The following ZNF615 variants were observed in gnomAD, a reference collection of about 807,000 sequenced individuals.
The protein encoded by ZNF615 is zinc finger protein 615.
Under a neutral mutation model 15.3 loss-of-function variants are expected in ZNF615, and 15 were observed. That is an observed-to-expected ratio of 0.98 (90% CI 0.66 to 1.51). The LOEUF (loss-of-function observed/expected upper bound fraction) is 1.51. ZNF615 is among the 40% of genes most tolerant of loss of function. ZNF615 has a pLI of 0.00. For synonymous variants in ZNF615, 268 were observed against 294.6 expected, an observed-to-expected ratio of 0.91 and a Z score of 0.92; for missense variants, 848 against 895.9, an observed-to-expected ratio of 0.95 and a Z score of 0.68.
In ZNF615 at chr19:51,992,870, C is replaced by T. The variant is rs190299776; in HGVS notation, c.*10G>A. 2.4e-5 allele frequency: 39 copies of T among 1,611,776 alleles called. No homozygotes were observed. In the African/African-American group the frequency reaches 4.1e-4, roughly 17 times the overall value. Reference sequence around the variant, plus strand: ...GGGCCTACATCTGGCAAGAGGCTTTCCCAAAATGACTACCTGTGAATTCTC... The same window carrying T: ...GGGCCTACATCTGGCAAGAGGCTTTTCCAAAATGACTACCTGTGAATTCTC... On this transcript the variant is annotated 3_prime_UTR_variant, in exon 7 of 7. Coordinates refer to ENST00000598071, the MANE Select transcript of ZNF615 (RefSeq NM_001199324.2).
Position 52,001,911 on chromosome 19 carries a change from GT to G in ZNF615, c.143-4del. The G allele has an allele frequency of 1.2e-6, 2 of 1,613,960 alleles. No individual in the cohort carries two copies. The highest frequency in any genetic ancestry group is 1.7e-6 in the Non-Finnish European group (2 of 1,179,836). On this transcript the variant is annotated splice_region_variant and splice_polypyrimidine_tract_variant and intron_variant, in intron 4 of 6. Coordinates refer to ENST00000598071, the MANE Select transcript of ZNF615 (RefSeq NM_001199324.2). ...ATCTGGTTTGCTGGCTTGATACCCTGTTCATGGGAAATGACAGAAGATTTAG... is the reference window on the plus strand; with the variant it reads ...ATCTGGTTTGCTGGCTTGATACCCTGTCATGGGAAATGACAGAAGATTTAG...
At chr19:51,994,925 G>A in intron 6 of ZNF615, 88 bp from the exon 7 acceptor site, 1 of 1,261,612 alleles carries the variant, frequency 7.9e-7, no homozygotes, top group Non-Finnish European at 1.1e-6. Context: ...CTTGGTGTGA[G>A]GTGACTCTTT....
rs755117725 is a variant in ZNF615 at position 51,994,384 on chromosome 19, G to A, written c.725C>T (p.Pro242Leu). ...DHQRVHTGEK[P>L]HVCSMCGKAF... Reference sequence around the variant, plus strand: ...TTTCCCACACATACTGCATACATGAGGTTTTTCTCCAGTGTGAACTCTCTG... The same window carrying A: ...TTTCCCACACATACTGCATACATGAAGTTTTTCTCCAGTGTGAACTCTCTG... The change falls in exon 7 of 7, where the codon CCT becomes CTT. Residue 242 changes from proline (P) to leucine (L), a missense_variant. Coordinates refer to ENST00000598071, the MANE Select transcript of ZNF615 (RefSeq NM_001199324.2). The A allele has an allele frequency of 6.2e-7, 1 of 1,614,114 alleles. No homozygotes were observed. Among genetic ancestry groups the A allele is most frequent in the Non-Finnish European group, 8.5e-7 (1 of 1,180,014 alleles).
chr19:52,000,316 G>A (rs1346109482), intron 6 of ZNF615, 30 bp downstream of exon 6: 20 of 598,240 alleles, frequency 3.3e-5, no homozygotes, highest in Admixed American at 6.9e-5. Context: ...GTGAATCCTC[G>A]GCATCAGGCA....
chr19:52,007,438 C>A, intron 1 of ZNF615, 108 bp from the exon 2 acceptor site: 1 of 575,662 alleles, frequency 1.7e-6, no homozygotes, highest in Non-Finnish European at 2.6e-6. Context: ...GATGACTGAT[C>A]TCGCCAAAAA....
At chr19:52,002,078 G>C in intron 4 of ZNF615, 77 bp downstream of exon 4, 1 of 1,613,910 alleles carries the variant, frequency 6.2e-7, no homozygotes, top group South Asian at 1.1e-5. Context: ...CCACTTCAGA[G>C]TACTGCAGGT....
rs2122997404 is a variant in ZNF615 at position 51,993,014 on chromosome 19, C to T, written c.2095G>A (p.Ala699Thr). 2 of 1,614,218 alleles carry T rather than the reference C, an allele frequency of 1.2e-6. No homozygotes were observed. The highest frequency in any genetic ancestry group is 2.2e-5 in the South Asian group (2 of 91,086). ...KPYKCSDCGK[A>T]FTTKSGLNVH... Reference sequence around the variant, plus strand: ...TTGAGCCCTGATTTTGTAGTGAAGGCTTTCCCGCAGTCACTGCATTTGTAC... The same window carrying T: ...TTGAGCCCTGATTTTGTAGTGAAGGTTTTCCCGCAGTCACTGCATTTGTAC... Residue 699 changes from alanine (A) to threonine (T), a missense_variant, in exon 7 of 7, where the codon GCC becomes ACC. Coordinates refer to ENST00000598071, the MANE Select transcript of ZNF615 (RefSeq NM_001199324.2).
Position 51,994,745 on chromosome 19 carries a change from C to G in ZNF615, c.364G>C (p.Gly122Arg). 1 of 1,613,770 alleles carries G rather than the reference C, an allele frequency of 6.2e-7. No homozygotes were observed. Among genetic ancestry groups the G allele is most frequent in the Non-Finnish European group, 8.5e-7 (1 of 1,179,970 alleles). ...VKQCHEQNMFGNIVNQNKGHF... is the reference protein window; with the variant it reads ...VKQCHEQNMFRNIVNQNKGHF... The stretch of plus-strand genomic sequence containing the variant: ...CCTTTGTTCTGATTAACAATATTTC[C>G]AAACATATTCTGTTCATGGCACTGT... The change falls in exon 7 of 7, where the codon GGA becomes CGA. Residue 122 changes from glycine to arginine, a missense_variant. Coordinates refer to ENST00000598071, the MANE Select transcript of ZNF615 (RefSeq NM_001199324.2).
At chr19:51,995,380 G>A (rs1339640303) in intron 6 of ZNF615, among the ~76,000 whole-genome samples, 3 of 152,022 alleles carry the variant, frequency 2.0e-5, no homozygotes. Context: ...ATATAAACAG[G>A]TCACTTTTTG....
At chr19:52,002,500 C>CAGCTGTATTACAGCTGTATT (rs2086629643) in intron 3 of ZNF615, 5 of 653,388 alleles carry the variant, frequency 7.7e-6, no homozygotes, top group Non-Finnish European at 1.4e-5. Flanking sequence ...GTCTGTAATA[C>CAGCTGTATTACAGCTGTATT]ACAGCTATCC....
intron 5 of ZNF615, 51 bp downstream of exon 5, chr19:52,001,762 G>C (rs892723622): frequency 2.7e-5 from 41 of 1,505,962 alleles, no homozygotes; most frequent in Non-Finnish European, 3.6e-5. Flanking sequence ...TGCTCTGTGT[G>C]GGCAGAACAT....
chr19:51,997,161 T>C (rs2086463984), intron 6 of ZNF615, among the ~76,000 whole-genome samples: 1 of 151,804 alleles, frequency 6.6e-6, no homozygotes, highest in African/African-American at 2.4e-5. Flanking sequence ...CTATAAAAAA[T>C]ACAGAAATTA....
rs546710223 is a variant in ZNF615, at chr19:52,000,412, A to T, written c.239-34T>A. Reference sequence around the variant, plus strand: ...AAAACATAAAAGATAAAATAAAATTAAAAAAATAAAATTATATAAGGATAG... The same window carrying T: ...AAAACATAAAAGATAAAATAAAATTTAAAAAATAAAATTATATAAGGATAG... On this transcript the variant is annotated intron_variant, in intron 5 of 6. Coordinates refer to ENST00000598071, the MANE Select transcript of ZNF615 (RefSeq NM_001199324.2). 31 of 614,182 alleles carry T rather than the reference A, an allele frequency of 5.0e-5. 1 individual carries two copies. Among genetic ancestry groups the T allele is most frequent in the Middle Eastern group, 3.8e-4 (1 of 2,642 alleles). The allele number at this position is 614,182 out of a possible 1,614,324, so 38.0% of individuals were successfully genotyped here. A position where few individuals can be genotyped will look rare whatever the true frequency, so the allele number is the denominator to read the frequency against.
chr19:51,994,945 C>G, intron 6 of ZNF615, 108 bp from the exon 7 acceptor site: 1 of 1,030,660 alleles, frequency 9.7e-7, no homozygotes. Flanking sequence ...TAGTGAAAAC[C>G]CTATTTTATT....
At chr19:52,007,964 G>A (rs8108118) in intron 1 of ZNF615, 177 bp downstream of exon 1, 90,198 of 616,088 alleles carry the variant, frequency 0.15, 8,561 homozygotes, top group African/African-American at 0.33. Context: ...CGGACCTCTT[G>A]TAGTTCCCCT....
At position 52,008,204 on chromosome 19, in the gene ZNF615, C is replaced by G. The variant is rs552810259; in HGVS notation, c.-291G>C. On this transcript the variant is annotated 5_prime_UTR_variant, in exon 1 of 7. Coordinates refer to ENST00000598071, the MANE Select transcript of ZNF615 (RefSeq NM_001199324.2). Reference sequence around the variant, plus strand: ...CTCCTCAGTGCCTGACGGCGACTATCCAGGGTCGGAGGCGTTCCCAGCGTT... The same window carrying G: ...CTCCTCAGTGCCTGACGGCGACTATGCAGGGTCGGAGGCGTTCCCAGCGTT... 1.3e-5 allele frequency: 20 copies of G among 1,532,478 alleles called. No individual in the cohort carries two copies. In the African/African-American group the frequency reaches 2.6e-4, roughly 20 times the overall value. 94.9% of individuals were successfully genotyped at this position (1,532,478 alleles called of 1,614,324 possible). A position where few individuals can be genotyped will look rare whatever the true frequency, so the allele number is the denominator to read the frequency against.
intron 3 of ZNF615, chr19:52,002,519 T>C: frequency 1.7e-6 from 1 of 604,010 alleles, no homozygotes; most frequent in Non-Finnish European, 3.1e-6. Context: ...CCAATCCTCT[T>C]GCTAATGAAA....
At position 51,992,598 on chromosome 19, in the gene ZNF615, A is replaced by T. The variant is rs1474683636; in HGVS notation, c.*282T>A. On this transcript the variant is annotated 3_prime_UTR_variant, in exon 7 of 7. Coordinates refer to ENST00000598071, the MANE Select transcript of ZNF615 (RefSeq NM_001199324.2). ...TTCCTATAATTATTACATTTCCACG[A>T]ATTAGTAGTTTATTCATGATCTATG... The T allele has an allele frequency of 3.1e-6, 1 of 322,826 alleles. No homozygotes were observed. Among genetic ancestry groups the T allele is most frequent in the East Asian group, 5.2e-5 (1 of 19,132 alleles). 20.0% of individuals were successfully genotyped at this position (322,826 alleles called of 1,614,324 possible). A position where few individuals can be genotyped will look rare whatever the true frequency, so the allele number is the denominator to read the frequency against.
intron 6 of ZNF615, among the ~76,000 whole-genome samples, chr19:51,999,632 A>G (rs1405516921): frequency 6.6e-6 from 1 of 152,230 alleles, no homozygotes; most frequent in East Asian, 1.9e-4. Context: ...TCTCAATAAT[A>G]GTTTACAAAT....
Sources: gnomAD v4.1 joint callset for allele counts (sites outside exome capture counted in the v4.1 genomes callset) on GRCh38, gnomAD v4.1.1 for gene constraint, MANE v1.5 for transcripts, NCBI Gene and HGNC (gene_info 2026-07-23, HGNC 2026-07-21) for gene names.